The following KCTD16 variants were observed in gnomAD, a reference collection of about 807,000 sequenced individuals.
The protein encoded by KCTD16 is BTB/POZ domain-containing protein KCTD16.
In KCTD16, 13 loss-of-function variants were observed where a neutral mutation model predicts 33.2. The ratio of observed to expected loss-of-function variants is 0.39; its 90% confidence interval spans 0.25 to 0.62. The LOEUF is 0.62. KCTD16 is among the 20% of genes least tolerant of loss of function. The pLI is 0.50. For missense variants in KCTD16, 441 were observed against 525.1 expected, an observed-to-expected ratio of 0.84 and a Z score of 1.57; for synonymous variants, 197 against 195.3, an observed-to-expected ratio of 1.01 and a Z score of -0.07.
intron 3 of KCTD16, among the ~76,000 whole-genome samples, chr5:144,285,656 C>T (rs1052829067): frequency 1.3e-5 from 2 of 152,168 alleles, no homozygotes; most frequent in Non-Finnish European, 2.9e-5. Flanking sequence ...TGCCATTTCA[C>T]CCTACAAATA....
chr5:144,239,967 TTTTTTA>T (rs1754356432), intron 3 of KCTD16, among the ~76,000 whole-genome samples: 1 of 152,116 alleles, frequency 6.6e-6, no homozygotes. Flanking sequence ...TTGCTTCCAT[TTTTTTA>T]AGTGCTTTGT....
chr5:144,365,464 T>C (rs554772485), intron 3 of KCTD16, among the ~76,000 whole-genome samples: 1 of 152,316 alleles, frequency 6.6e-6, no homozygotes, highest in South Asian at 2.1e-4. Context: ...TGTAAACTAA[T>C]TAAGCACATG....
intron 3 of KCTD16, among the ~76,000 whole-genome samples, chr5:144,408,746 C>A (rs191525062): frequency 2.0e-5 from 3 of 152,272 alleles, no homozygotes; most frequent in Admixed American, 6.5e-5. Context: ...CCTGTGACTC[C>A]AACTTTATAT....
At chr5:144,285,722 A>G (rs1410295230) in intron 3 of KCTD16, among the ~76,000 whole-genome samples, 2 of 152,200 alleles carry the variant, frequency 1.3e-5, no homozygotes, top group Non-Finnish European at 2.9e-5. Context: ...ATTACATTCT[A>G]CATTGCTGTC....
At chr5:144,181,894 G>C (rs573528823) in intron 2 of KCTD16, among the ~76,000 whole-genome samples, 1 of 152,232 alleles carries the variant, frequency 6.6e-6, no homozygotes, top group Middle Eastern at 3.4e-3. Flanking sequence ...AGGAGTTTGA[G>C]ACCAGGCTGG....
At chr5:144,252,174 A>G (rs1488735300) in intron 3 of KCTD16, among the ~76,000 whole-genome samples, 2 of 152,186 alleles carry the variant, frequency 1.3e-5, no homozygotes, top group Non-Finnish European at 2.9e-5. Context: ...GGTATTATTA[A>G]CTACAGCCAG....
intron 3 of KCTD16, among the ~76,000 whole-genome samples, chr5:144,401,412 C>T (rs1444780054): frequency 6.6e-6 from 1 of 152,100 alleles, no homozygotes; most frequent in East Asian, 1.9e-4. Flanking sequence ...GACTGAAACA[C>T]ACAGAGCATA....
chr5:144,346,252 A>G (rs145733251), intron 3 of KCTD16, among the ~76,000 whole-genome samples: 45 of 152,102 alleles, frequency 3.0e-4, no homozygotes, highest in African/African-American at 1.1e-3. Context: ...TTATCCATTC[A>G]CCTGTTGATG....
intron 3 of KCTD16, among the ~76,000 whole-genome samples, chr5:144,278,688 G>T (rs182618693): frequency 6.6e-5 from 10 of 151,312 alleles, no homozygotes; most frequent in Non-Finnish European, 1.3e-4. Context: ...TAGTAGAGAC[G>T]GGGTTTCACC....
At chr5:144,393,757 G>A (rs1361820249) in intron 3 of KCTD16, among the ~76,000 whole-genome samples, 1 of 152,094 alleles carries the variant, frequency 6.6e-6, no homozygotes, top group Non-Finnish European at 1.5e-5. Flanking sequence ...GTAGGTTGCA[G>A]GAAGAATGGG....
intron 3 of KCTD16, among the ~76,000 whole-genome samples, chr5:144,282,076 A>G (rs1755622688): frequency 1.3e-5 from 2 of 152,206 alleles, no homozygotes; most frequent in African/African-American, 4.8e-5. Flanking sequence ...AGCTAGTGAG[A>G]TAACTGGTGG....
chr5:144,263,916 A>T (rs1393572798), intron 3 of KCTD16, among the ~76,000 whole-genome samples: 16 of 152,204 alleles, frequency 1.1e-4, no homozygotes, highest in Admixed American at 1.0e-3. Context: ...GATGAAGAAG[A>T]GAGAAAACTC....
At chr5:144,447,775 A>G (rs1753853924) in intron 3 of KCTD16, among the ~76,000 whole-genome samples, 1 of 152,106 alleles carries the variant, frequency 6.6e-6, no homozygotes, top group African/African-American at 2.4e-5. Context: ...TGCTTTACAA[A>G]TAATTATTTT....
chr5:144,193,543 T>TTCA (rs879928671), intron 2 of KCTD16, among the ~76,000 whole-genome samples: 1 of 151,866 alleles, frequency 6.6e-6, no homozygotes, highest in Non-Finnish European at 1.5e-5. Flanking sequence ...TATTACCTAT[T>TTCA]CTATTTTATT....
In KCTD16 at chr5:144,473,928, G is replaced by C; in HGVS notation, c.1101G>C (p.Arg367=). Residue 367 remains arginine (R), a synonymous_variant, in exon 4 of 4, where the codon CGG becomes CGC. Coordinates refer to ENST00000512467, the MANE Select transcript of KCTD16 (RefSeq NM_020768.4). ...SEMRRKSDLL[R]TLTSGSRESN... ...TGCGGCGGAAAAGCGACTTACTCCG[G>C]ACTCTGACTTCAGGCTCCAGGGAAT... The C allele has an allele frequency of 1.2e-6, 2 of 1,614,008 alleles. No homozygotes were observed. Among genetic ancestry groups the C allele is most frequent in the South Asian group, 1.1e-5 (1 of 91,078 alleles).
chr5:144,370,234 AG>A (rs894891618), intron 3 of KCTD16, among the ~76,000 whole-genome samples: 6 of 152,082 alleles, frequency 3.9e-5, no homozygotes, highest in African/African-American at 1.4e-4. Context: ...GCAGCTAAGG[AG>A]GGGGTAGAAG....
At chr5:144,412,970 G>A (rs1000188920) in intron 3 of KCTD16, among the ~76,000 whole-genome samples, 13 of 152,180 alleles carry the variant, frequency 8.5e-5, no homozygotes, top group Non-Finnish European at 1.9e-4. Context: ...TATATTTTAA[G>A]ATGGCTAGAA....
At chr5:144,404,100 G>T (rs901490186) in intron 3 of KCTD16, among the ~76,000 whole-genome samples, 2 of 152,150 alleles carry the variant, frequency 1.3e-5, no homozygotes, top group Non-Finnish European at 2.9e-5. Context: ...AACTTAAAAA[G>T]ATGGCCTGAG....
intron 3 of KCTD16, among the ~76,000 whole-genome samples, chr5:144,432,834 A>G (rs1025278078): frequency 3.3e-5 from 5 of 152,138 alleles, no homozygotes; most frequent in African/African-American, 1.2e-4. Context: ...AGCTACCTAT[A>G]TATGTCTATA....
Sources: allele counts gnomAD v4.1 joint callset (sites outside exome capture counted in the v4.1 genomes callset), GRCh38; gene constraint gnomAD v4.1.1; transcripts MANE v1.5; gene names NCBI Gene and HGNC (gene_info 2026-07-23, HGNC 2026-07-21).